The following SF3A3 variants were observed in gnomAD, a reference collection of about 807,000 sequenced individuals.
SF3A3 encodes SAP 61.
A neutral mutation model predicts 85.8 loss-of-function variants in SF3A3; 9 were observed. The observed-to-expected ratio is 0.10, with a 90% CI of 0.06 to 0.18. The LOEUF (loss-of-function observed/expected upper bound fraction) is 0.18. Among genes scored for constraint, SF3A3 ranks in the 10% least tolerant of loss-of-function variants. SF3A3 has a pLI of 1.00. For missense variants in SF3A3, 306 were observed against 593.3 expected (o/e 0.52, Z 5.03); for synonymous variants, 195 against 204.4 (o/e 0.95, Z 0.39).
At chr1:37,988,858 T>TGG (rs1646473112) in intron 2 of SF3A3, among the ~76,000 whole-genome samples, 1 of 99,510 alleles carries the variant, frequency 1.0e-5, no homozygotes, top group Admixed American at 9.3e-5. Context: ...CGGGGTGTGT[T>TGG]GTGTGTGTGT....
intron 16 of SF3A3, among the ~76,000 whole-genome samples, 153 bp downstream of exon 16, chr1:37,959,957 CAAAAAAAAAA>C (rs34993722): frequency 1.0e-5 from 1 of 97,322 alleles, no homozygotes. Flanking sequence ...GACTCCGTGT[CAAAAAAAAAA>C]AAAAAAAAAA....
rs1557744178 is a variant in SF3A3, at chr1:37,957,373, A to AC, written c.*812dup. 3 of 95,250 alleles carry AC rather than the reference A, an allele frequency of 3.1e-5. No homozygotes were observed. The highest frequency in any genetic ancestry group is 4.4e-5 in the African/African-American group (1 of 22,478). The allele number at this position is 95,250 out of a possible 1,614,324, so 5.9% of individuals were successfully genotyped here. A position where few individuals can be genotyped will look rare whatever the true frequency, so the allele number is the denominator to read the frequency against. ...TGCAGGCCCATTCCAACACAGCCCA[A>AC]CTCCCCCCCCCCCCCCTTTTTTTTT... On this transcript the variant is annotated 3_prime_UTR_variant, in exon 17 of 17. Coordinates refer to ENST00000373019, the MANE Select transcript of SF3A3 (RefSeq NM_006802.4).
intron 8 of SF3A3, among the ~76,000 whole-genome samples, chr1:37,980,298 C>T (rs1220403241): frequency 6.6e-6 from 1 of 152,088 alleles, no homozygotes; most frequent in Admixed American, 6.6e-5. Context: ...GAGGCGCGTG[C>T]CTGTAATCCC....
intron 15 of SF3A3, among the ~76,000 whole-genome samples, chr1:37,963,075 G>A (rs941140697): frequency 4.7e-4 from 70 of 148,404 alleles, no homozygotes; most frequent in African/African-American, 1.7e-3. Context: ...GCAACAGAGC[G>A]AGACTCCGTC....
chr1:37,989,200 C>T (rs996260382), intron 2 of SF3A3, among the ~76,000 whole-genome samples: 1 of 151,730 alleles, frequency 6.6e-6, no homozygotes, highest in Non-Finnish European at 1.5e-5. Flanking sequence ...GAGGCTGAGG[C>T]AGGAGAATCG....
rs1570449339 is a variant in SF3A3 at position 37,958,126 on chromosome 1, G to A, written c.*60C>T. On this transcript the variant is annotated 3_prime_UTR_variant, in exon 17 of 17. Transcript: ENST00000373019. ...TAAGAGGATTTGGTTGGGAGAAATA[G>A]AAAAAGCAGATCTTAGGGAAGCCTG... 8.9e-7 allele frequency: 1 copy of A among 1,118,156 alleles called. No homozygotes were observed. Among genetic ancestry groups the A allele is most frequent in the East Asian group, 2.3e-5 (1 of 42,562 alleles). The allele number at this position is 1,118,156 out of a possible 1,614,324, so 69.3% of individuals were successfully genotyped here.
At chr1:37,981,704 A>C in intron 7 of SF3A3, 25 bp downstream of exon 7, 1 of 1,305,178 alleles carries the variant, frequency 7.7e-7, no homozygotes, top group Non-Finnish European at 1.1e-6. Context: ...AATCCAGGAG[A>C]GGCCTAGAAA....
intron 15 of SF3A3, among the ~76,000 whole-genome samples, chr1:37,966,764 C>T (rs966835716): frequency 2.7e-5 from 4 of 149,384 alleles, no homozygotes; most frequent in South Asian, 2.1e-4. Flanking sequence ...TGGAGAAACC[C>T]GTCTCTACTA....
intron 6 of SF3A3, among the ~76,000 whole-genome samples, chr1:37,983,682 C>T (rs2148723903): frequency 6.6e-6 from 1 of 150,378 alleles, no homozygotes; most frequent in South Asian, 2.1e-4. Context: ...ATGCCTGTAT[C>T]CCAACACTGT....
In SF3A3 at chr1:37,987,558, T is replaced by C; in HGVS notation, c.303+15A>G. On this transcript the variant is annotated intron_variant, in intron 4 of 16. Transcript: ENST00000373019. ...TAAGGATAGGTCTGGAGAAAATACT[T>C]TTCTGAGGACATACCTCATTTGGGT... 6.3e-7 allele frequency: 1 copy of C among 1,575,548 alleles called. No homozygotes were observed. Among genetic ancestry groups the C allele is most frequent in the Non-Finnish European group, 8.7e-7 (1 of 1,144,704 alleles).
At position 37,963,477 on chromosome 1, in the gene SF3A3, G is replaced by A. The variant is rs553730824; in HGVS notation, c.1373-3302C>T. ...ACAGTGGCAATAACAACATTCATAG[G>A]GAGAAACTGACTAACCTAGACAGCT... On this transcript the variant is annotated intron_variant, in intron 15 of 16. Coordinates refer to ENST00000373019, the MANE Select transcript of SF3A3 (RefSeq NM_006802.4). Among the ~76,000 whole-genome samples the A allele has an allele frequency of 1.1e-4, 16 of 152,122 alleles. No homozygotes were observed. In the East Asian group the frequency reaches 3.1e-3, roughly 29 times the overall value.
intron 12 of SF3A3, among the ~76,000 whole-genome samples, chr1:37,970,697 A>G (rs1163857518): frequency 1.3e-5 from 2 of 152,220 alleles, no homozygotes; most frequent in Admixed American, 6.5e-5. Context: ...CTCAGGATTA[A>G]GAAACTCACT....
In SF3A3 at chr1:37,980,697, A is replaced by C; in HGVS notation, c.579T>G (p.Leu193=). ...GCTTCACTCTATCTGTGTAATCCTG[A>C]AGGTACTCAAGCAGCATCTCTAGGT... The part of the protein sequence containing the change: ...KRYLEMLLEY[L]QDYTDRVKPL... The change falls in exon 8 of 17, where the codon CTT becomes CTG. Residue 193 remains leucine (L), a synonymous_variant. Transcript: ENST00000373019. 6.2e-7 allele frequency: 1 copy of C among 1,613,656 alleles called. No individual in the cohort carries two copies. The highest frequency in any genetic ancestry group is 8.5e-7 in the Non-Finnish European group (1 of 1,179,706).
At chr1:37,967,033 T>TG (rs1646306253) in intron 15 of SF3A3, among the ~76,000 whole-genome samples, 2 of 132,850 alleles carry the variant, frequency 1.5e-5, no homozygotes, top group African/African-American at 5.8e-5. Context: ...GTGGATCACT[T>TG]GAGGTCAGGA....
intron 12 of SF3A3, among the ~76,000 whole-genome samples, chr1:37,976,189 A>C (rs934730616): frequency 6.6e-6 from 1 of 151,066 alleles, no homozygotes; most frequent in African/African-American, 2.4e-5. Context: ...CAGCAGACAC[A>C]ATCAGAAAGG....
chr1:37,986,831 A>AAAG (rs1646460909), intron 4 of SF3A3, among the ~76,000 whole-genome samples: 1 of 151,274 alleles, frequency 6.6e-6, no homozygotes, highest in South Asian at 2.1e-4. Flanking sequence ...AAAAAAAAAA[A>AAAG]AGACAGAGTT....
At chr1:37,969,525 T>C in intron 13 of SF3A3, 46 bp downstream of exon 13, 1 of 1,614,018 alleles carries the variant, frequency 6.2e-7, no homozygotes. Context: ...TCTGTATCTG[T>C]TTCCAAAATG....
chr1:37,960,379 T>C, intron 15 of SF3A3: 1 of 512,590 alleles, frequency 2.0e-6, no homozygotes, highest in East Asian at 2.8e-5. Context: ...GATCTTGCTT[T>C]GCTATAAAAG....
At chr1:37,972,696 C>T (rs550802515) in intron 12 of SF3A3, among the ~76,000 whole-genome samples, 13 of 152,242 alleles carry the variant, frequency 8.5e-5, no homozygotes, top group Admixed American at 5.2e-4. Context: ...TGGAACAGAA[C>T]GGAGTCCTTG....
Sources: allele counts gnomAD v4.1 joint callset (sites outside exome capture counted in the v4.1 genomes callset), GRCh38; gene constraint gnomAD v4.1.1; transcripts MANE v1.5; gene names NCBI Gene and HGNC (gene_info 2026-07-23, HGNC 2026-07-21).